Variants in MPP7 observed in about 807,000 individuals in gnomAD.
The protein encoded by MPP7 is MAGUK p55 scaffold protein 7, also known as MAGUK p55 subfamily member 7.
Under a neutral mutation model 76.5 loss-of-function variants are expected in MPP7, and 60 were observed. That is an observed-to-expected ratio of 0.78 (90% CI 0.64 to 0.97). The LOEUF is 0.97. Ranked by LOEUF, MPP7 falls within the 50% of genes least tolerant of loss-of-function variation. The pLI is 0.00. For missense variants in MPP7, 641 were observed against 694.0 expected (o/e 0.92, Z 0.86); for synonymous variants, 237 against 244.5 (o/e 0.97, Z 0.29).
At chr10:28,192,304 G>GAT (rs1422557257) in intron 3 of MPP7, among the ~76,000 whole-genome samples, 7 of 152,060 alleles carry the variant, frequency 4.6e-5, no homozygotes, top group African/African-American at 1.7e-4. Context: ...GACAAAAAAA[G>GAT]ATATATACAG....
intron 5 of MPP7, among the ~76,000 whole-genome samples, chr10:28,135,073 G>A (rs974567569): frequency 6.6e-6 from 1 of 152,162 alleles, no homozygotes; most frequent in African/African-American, 2.4e-5. Context: ...AAGCAACAAA[G>A]GACAGAGATC....
At chr10:28,081,411 T>C (rs139104240) in intron 12 of MPP7, among the ~76,000 whole-genome samples, 13 of 152,336 alleles carry the variant, frequency 8.5e-5, no homozygotes, top group African/African-American at 3.1e-4. Context: ...TGACATTTGG[T>C]TTCAACATAC....
At chr10:28,324,250 C>A (rs544420475) in intron 2 of MPP7, among the ~76,000 whole-genome samples, 1 of 152,150 alleles carries the variant, frequency 6.6e-6, no homozygotes, top group African/African-American at 2.4e-5. Flanking sequence ...AGAGAGAAGA[C>A]GTTGTCTATG....
chr10:28,230,967 GACTT>G (rs1304108249), intron 2 of MPP7, among the ~76,000 whole-genome samples: 9 of 152,110 alleles, frequency 5.9e-5, no homozygotes, highest in African/African-American at 2.2e-4. Context: ...ATATTTGAAT[GACTT>G]AATCAATAAG....
At chr10:28,254,008 A>G (rs796488308) in intron 1 of MPP7, among the ~76,000 whole-genome samples, 118 of 126,778 alleles carry the variant, frequency 9.3e-4, no homozygotes, top group African/African-American at 3.9e-3. Flanking sequence ...AAAAAAGAAA[A>G]AAAAAAAAAA....
chr10:28,319,409 A>G (rs786395), intron 2 of MPP7, among the ~76,000 whole-genome samples: 6,441 of 152,018 alleles, frequency 0.042, 422 homozygotes, highest in African/African-American at 0.14. Context: ...TGGCATGGTG[A>G]CTCACATCTG....
At chr10:28,205,394 T>G (rs1392686351) in intron 2 of MPP7, among the ~76,000 whole-genome samples, 1 of 152,148 alleles carries the variant, frequency 6.6e-6, no homozygotes, top group African/African-American at 2.4e-5. Flanking sequence ...GAAATCCAAA[T>G]GGTTTGGGTC....
chr10:28,070,845 A>G (rs1033822377), intron 12 of MPP7, among the ~76,000 whole-genome samples: 6 of 152,240 alleles, frequency 3.9e-5, no homozygotes, highest in African/African-American at 9.6e-5. Context: ...GCAGTTTCAA[A>G]TATGAGTCTG....
intron 1 of MPP7, among the ~76,000 whole-genome samples, chr10:28,290,146 C>G (rs556057817): frequency 1.1e-4 from 16 of 152,100 alleles, no homozygotes; most frequent in Non-Finnish European, 2.2e-4. Context: ...TGCTATTACG[C>G]TACTATTGAT....
At chr10:28,285,956 C>T (rs1840781012) in intron 1 of MPP7, among the ~76,000 whole-genome samples, 1 of 151,972 alleles carries the variant, frequency 6.6e-6, no homozygotes, top group Non-Finnish European at 1.5e-5. Flanking sequence ...TGAGGAAAGT[C>T]TATCAAGTAC....
intron 1 of MPP7, among the ~76,000 whole-genome samples, chr10:28,252,717 T>C (rs1588984646): frequency 6.6e-6 from 1 of 152,256 alleles, no homozygotes; most frequent in East Asian, 1.9e-4. Context: ...CAACTCTTCA[T>C]AGCGGACATT....
intron 1 of MPP7, among the ~76,000 whole-genome samples, chr10:28,268,833 G>A (rs1840229968): frequency 6.6e-6 from 1 of 151,454 alleles, no homozygotes; most frequent in East Asian, 1.9e-4. Flanking sequence ...GCAGGAGAAT[G>A]GCATGAACCC....
intron 11 of MPP7, among the ~76,000 whole-genome samples, chr10:28,090,959 C>T (rs544208926): frequency 1.3e-5 from 2 of 151,988 alleles, no homozygotes; most frequent in African/African-American, 2.4e-5. Flanking sequence ...CCAGGTGGGG[C>T]AACATGGAGA....
Position 28,281,734 on chromosome 10 carries a change from T to C in MPP7, c.-132+21127A>G, listed in dbSNP as rs146290703. ...CTACCAACTTTTGTGGTAGGTACTC[T>C]AATTAGCCTGTTTCAGTTAAGAAAA... On this transcript the variant is annotated intron_variant, in intron 1 of 16. Coordinates refer to ENST00000683449, the MANE Select transcript of MPP7 (RefSeq NM_001318170.2). Among the ~76,000 whole-genome samples, 932 of 152,142 alleles carry C rather than the reference T, an allele frequency of 6.1e-3. 8 individuals are homozygous for C. The highest frequency in any genetic ancestry group is 0.041 in the Middle Eastern group (12 of 294).
At chr10:28,119,844 T>G (rs1834774607) in intron 10 of MPP7, 129 bp from the exon 11 acceptor site, 1 of 673,110 alleles carries the variant, frequency 1.5e-6, no homozygotes, top group African/African-American at 1.9e-5. Flanking sequence ...TGCAATAGAT[T>G]CAAATTAAGA....
Position 28,156,898 on chromosome 10 carries a change from G to C in MPP7, c.157-6839C>G, listed in dbSNP as rs974444742. Among the ~76,000 whole-genome samples, 51 of 152,146 alleles carry C rather than the reference G, an allele frequency of 3.4e-4. 1 individual carries two copies. The highest frequency in any genetic ancestry group is 7.4e-4 in the Non-Finnish European group (50 of 68,024). On this transcript the variant is annotated intron_variant, in intron 3 of 16. Coordinates refer to ENST00000683449, the MANE Select transcript of MPP7 (RefSeq NM_001318170.2). ...CACACAAGAAAAAGTGTAACAGTGA[G>C]GTGGAAAGATTCTTAGAAAAAGAGT...
intron 5 of MPP7, among the ~76,000 whole-genome samples, chr10:28,140,490 G>A (rs1376736472): frequency 4.0e-5 from 6 of 151,878 alleles, no homozygotes; most frequent in African/African-American, 1.2e-4. Flanking sequence ...CAGCCTGGGC[G>A]ACAGAGTGAG....
chr10:28,313,805 G>A (rs1841303135), intron 2 of MPP7, among the ~76,000 whole-genome samples: 1 of 147,956 alleles, frequency 6.8e-6, no homozygotes, highest in South Asian at 2.1e-4. Context: ...TCCCACCTCA[G>A]CCTCCAAAGT....
Position 28,053,938 on chromosome 10 carries a change from G to C in MPP7, c.*127C>G, listed in dbSNP as rs1851447347. 10 of 730,462 alleles carry C rather than the reference G, an allele frequency of 1.4e-5. No individual in the cohort carries two copies. The South Asian group carries it at 1.5e-4, about 11-fold the overall frequency. The allele number at this position is 730,462 out of a possible 1,614,324, so 45.2% of individuals were successfully genotyped here. A position where few individuals can be genotyped will look rare whatever the true frequency, so the allele number is the denominator to read the frequency against. On this transcript the variant is annotated 3_prime_UTR_variant, in exon 17 of 17. Transcript: ENST00000683449. ...CTGTAAAAAGATACAAACAAAACCAGCATTCAACTTGAACCAAGATTGTAC... is the reference window on the plus strand; with the variant it reads ...CTGTAAAAAGATACAAACAAAACCACCATTCAACTTGAACCAAGATTGTAC...
Sources: gnomAD v4.1 joint callset for allele counts (sites outside exome capture counted in the v4.1 genomes callset) on GRCh38, gnomAD v4.1.1 for gene constraint, MANE v1.5 for transcripts, NCBI Gene and HGNC (gene_info 2026-07-23, HGNC 2026-07-21) for gene names.